GALNT17: variants seen among roughly 807,000 people sequenced by gnomAD.
GALNT17 encodes polypeptide N-acetylgalactosaminyltransferase 17.
A neutral mutation model predicts 63.7 loss-of-function variants in GALNT17; 29 were observed. The ratio of observed to expected loss-of-function variants is 0.46; its 90% CI spans 0.34 to 0.62. GALNT17 has a LOEUF of 0.62. Among genes scored for constraint, GALNT17 ranks in the 20% least tolerant of loss-of-function variants. GALNT17 has a pLI of 0.01. For missense variants in GALNT17, 603 were observed against 799.6 expected (o/e 0.75, Z 2.97); for synonymous variants, 305 against 318.3 (o/e 0.96, Z 0.45).
intron 5 of GALNT17, among the ~76,000 whole-genome samples, chr7:71,464,811 AG>A (rs201304332): frequency 0.022 from 3,352 of 152,232 alleles, 61 homozygotes; most frequent in Non-Finnish European, 0.035. Flanking sequence ...TCCCTTGTCT[AG>A]TCTTGTTCTC....
At chr7:71,457,526 C>T (rs956150021) in intron 5 of GALNT17, among the ~76,000 whole-genome samples, 2 of 152,160 alleles carry the variant, frequency 1.3e-5, no homozygotes, top group Admixed American at 6.5e-5. Context: ...AGAGCAGCCC[C>T]GAAGGCTGCT....
intron 5 of GALNT17, among the ~76,000 whole-genome samples, chr7:71,427,774 C>T (rs1694511088): frequency 6.6e-6 from 1 of 152,132 alleles, no homozygotes; most frequent in Non-Finnish European, 1.5e-5. Flanking sequence ...TATTTACAGC[C>T]TCTTGCCATC....
chr7:71,508,184 A>G (rs1326724690), intron 5 of GALNT17, among the ~76,000 whole-genome samples: 2 of 152,254 alleles, frequency 1.3e-5, no homozygotes, highest in South Asian at 2.1e-4. Flanking sequence ...CCCTGGGGGA[A>G]TTTTTAGAGC....
chr7:71,486,144 C>T (rs1380421275), intron 5 of GALNT17, among the ~76,000 whole-genome samples: 1 of 151,888 alleles, frequency 6.6e-6, no homozygotes, highest in Non-Finnish European at 1.5e-5. Flanking sequence ...ACCTGGGCAA[C>T]ATGGCAAAAT....
At chr7:71,657,572 C>T (rs1790846912) in intron 6 of GALNT17, among the ~76,000 whole-genome samples, 1 of 152,186 alleles carries the variant, frequency 6.6e-6, no homozygotes. Flanking sequence ...GCCTGTGGCT[C>T]TTCCGGGGTC....
chr7:71,146,104 C>T (rs1304583764), intron 1 of GALNT17, among the ~76,000 whole-genome samples: 1 of 152,080 alleles, frequency 6.6e-6, no homozygotes, highest in African/African-American at 2.4e-5. Flanking sequence ...TGGAGGGATC[C>T]TTCGGGAGGC....
chr7:71,330,365 T>A (rs1791787471), intron 1 of GALNT17, among the ~76,000 whole-genome samples: 1 of 151,916 alleles, frequency 6.6e-6, no homozygotes, highest in African/African-American at 2.4e-5. Flanking sequence ...TTAGTTATTT[T>A]TTTTCCAGAG....
intron 5 of GALNT17, among the ~76,000 whole-genome samples, chr7:71,458,270 G>GA (rs1324002754): frequency 1.3e-5 from 2 of 152,122 alleles, no homozygotes; most frequent in Non-Finnish European, 2.9e-5. Flanking sequence ...CAACTACATC[G>GA]AAACAGGAGA....
At chr7:71,366,054 T>G (rs1441931876) in intron 2 of GALNT17, among the ~76,000 whole-genome samples, 2 of 152,054 alleles carry the variant, frequency 1.3e-5, no homozygotes, top group African/African-American at 4.8e-5. Context: ...CCTCGTATGC[T>G]CAGTTCACGA....
chr7:71,626,935 C>A (rs1790384172), intron 6 of GALNT17, among the ~76,000 whole-genome samples: 1 of 152,140 alleles, frequency 6.6e-6, no homozygotes, highest in South Asian at 2.1e-4. Context: ...GGACTGGGCG[C>A]CCCAGGAACC....
chr7:71,304,565 C>G (rs999660351), intron 1 of GALNT17, among the ~76,000 whole-genome samples: 2 of 152,176 alleles, frequency 1.3e-5, no homozygotes, highest in East Asian at 3.8e-4. Context: ...GGTCTATCAA[C>G]TGGGAACCAC....
At chr7:71,662,528 C>G (rs1171988405) in intron 6 of GALNT17, among the ~76,000 whole-genome samples, 1 of 152,094 alleles carries the variant, frequency 6.6e-6, no homozygotes, top group East Asian at 1.9e-4. Context: ...CCACCAAACC[C>G]ATTAGCAGTC....
intron 5 of GALNT17, among the ~76,000 whole-genome samples, chr7:71,537,788 G>A (rs1006875023): frequency 2.0e-5 from 3 of 152,182 alleles, no homozygotes; most frequent in Non-Finnish European, 4.4e-5. Flanking sequence ...AATCCAGCCT[G>A]AGGAACAGAG....
intron 1 of GALNT17, among the ~76,000 whole-genome samples, chr7:71,174,762 C>T (rs1199175806): frequency 6.6e-6 from 1 of 152,154 alleles, no homozygotes; most frequent in African/African-American, 2.4e-5. Flanking sequence ...GGTGGAATGT[C>T]ATCAGTTAAG....
intron 5 of GALNT17, among the ~76,000 whole-genome samples, chr7:71,508,826 T>G (rs1788306685): frequency 6.6e-6 from 1 of 152,078 alleles, no homozygotes; most frequent in Non-Finnish European, 1.5e-5. Flanking sequence ...GGGCCGCTGG[T>G]TTTGCAGTTT....
intron 6 of GALNT17, among the ~76,000 whole-genome samples, chr7:71,652,940 AT>A (rs1790774819): frequency 6.6e-6 from 1 of 152,296 alleles, no homozygotes; most frequent in Admixed American, 6.5e-5. Flanking sequence ...AGCAAGGAGA[AT>A]CGGGCAGCTC....
At chr7:71,363,649 T>C (rs936688361) in intron 2 of GALNT17, among the ~76,000 whole-genome samples, 13 of 152,228 alleles carry the variant, frequency 8.5e-5, no homozygotes, top group African/African-American at 3.1e-4. Flanking sequence ...AACTTTCGTA[T>C]AGCTGATATT....
chr7:71,310,405 A>G (rs1307831525), intron 1 of GALNT17, among the ~76,000 whole-genome samples: 2 of 152,192 alleles, frequency 1.3e-5, no homozygotes, highest in Non-Finnish European at 2.9e-5. Flanking sequence ...GCCTATTTGC[A>G]TCTGTTTGCA....
chr7:71,291,322 C>G (rs1278824227), intron 1 of GALNT17, among the ~76,000 whole-genome samples: 1 of 151,612 alleles, frequency 6.6e-6, no homozygotes, highest in Non-Finnish European at 1.5e-5. Flanking sequence ...AAACATTTAA[C>G]TTTAATTATT....
Sources: gnomAD v4.1 joint callset for allele counts (sites outside exome capture counted in the v4.1 genomes callset) on GRCh38, gnomAD v4.1.1 for gene constraint, MANE v1.5 for transcripts, NCBI Gene and HGNC (gene_info 2026-07-23, HGNC 2026-07-21) for gene names.